Variants in TLL1 observed in about 807,000 individuals in gnomAD.
TLL1 encodes the protein tolloid-like protein 1.
TLL1 carries 49 observed loss-of-function variants against 128.2 expected under a neutral mutation model. That is an observed-to-expected ratio of 0.38 (90% confidence interval 0.30 to 0.48). TLL1 has a LOEUF of 0.48. TLL1 is among the 20% of genes least tolerant of loss of function. The pLI is 0.96. For missense variants in TLL1, 1,123 were observed against 1,242.0 expected (o/e 0.90, Z 1.44); for synonymous variants, 454 against 418.8 (o/e 1.08, Z -1.03).
At chr4:165,962,292 A>G (rs188547847) in intron 1 of TLL1, among the ~76,000 whole-genome samples, 115 of 152,356 alleles carry the variant, frequency 7.5e-4, no homozygotes, top group Non-Finnish European at 2.4e-4. Flanking sequence ...AAAAGAAGCC[A>G]TACAAGTGGT....
intron 7 of TLL1, among the ~76,000 whole-genome samples, chr4:166,009,576 C>A (rs1330301275): frequency 6.6e-6 from 1 of 151,388 alleles, no homozygotes; most frequent in Non-Finnish European, 1.5e-5. Context: ...TATTACTTAT[C>A]TTATTGTTTC....
chr4:165,977,201 A>G (rs1252529581), intron 1 of TLL1, among the ~76,000 whole-genome samples: 3 of 152,126 alleles, frequency 2.0e-5, no homozygotes, highest in Non-Finnish European at 4.4e-5. Flanking sequence ...CAATCTCCAC[A>G]TGTCGAGGGC....
At chr4:165,972,341 T>G (rs1735665708) in intron 1 of TLL1, among the ~76,000 whole-genome samples, 1 of 152,240 alleles carries the variant, frequency 6.6e-6, no homozygotes, top group Non-Finnish European at 1.5e-5. Flanking sequence ...GATATGACTG[T>G]TGGCACCTTT....
chr4:165,902,965 A>G (rs551740736), intron 1 of TLL1, among the ~76,000 whole-genome samples: 1 of 152,326 alleles, frequency 6.6e-6, no homozygotes, highest in Non-Finnish European at 1.5e-5. Flanking sequence ...ACTGTGCATA[A>G]TTGATAAATT....
At position 166,039,059 on chromosome 4, in the gene TLL1, TAA is replaced by T. The variant is rs1377420011; in HGVS notation, c.1159-279_1159-278del. ...CTGTTTGCTTTACAATTGTCCAGAT[TAA>T]CTTTACAGAAACTTTTTGTTAATTG... On this transcript the variant is annotated intron_variant, in intron 9 of 20. Transcript: ENST00000061240. Among the ~76,000 whole-genome samples, 574 of 152,064 alleles carry T rather than the reference TAA, an allele frequency of 3.8e-3. 4 individuals carry two copies. Among genetic ancestry groups the T allele is most frequent in the African/African-American group, 0.013 (543 of 41,350 alleles).
chr4:166,025,333 CAA>C lies in TLL1; in HGVS notation c.1061_1062del (p.Gln354ArgfsTer46). 6.2e-7 allele frequency: 1 copy of C among 1,613,278 alleles called. No individual in the cohort carries two copies. The highest frequency in any genetic ancestry group is 8.5e-7 in the Non-Finnish European group (1 of 1,179,342). On this transcript the variant is annotated frameshift_variant, in exon 9 of 21. Transcript: ENST00000061240. LOFTEE classifies it high-confidence loss of function. ...CCTTTCAGCATGTGGAGAAACTCTA[CAA>C]GAATCCAATGGCAACCTTTCCTCTC... Reference protein sequence around the residue: ...YRCPACGETLQESNGNLSSPG... With the variant: ...YRCPACGETLXESNGNLSSPG...
intron 19 of TLL1, among the ~76,000 whole-genome samples, chr4:166,096,657 C>T (rs1196439551): frequency 1.3e-5 from 2 of 152,088 alleles, no homozygotes; most frequent in African/African-American, 4.8e-5. Flanking sequence ...TCCCCTGCAG[C>T]TCTTCCTGGG....
At chr4:165,979,428 A>G (rs1484707733) in intron 1 of TLL1, among the ~76,000 whole-genome samples, 2 of 152,238 alleles carry the variant, frequency 1.3e-5, no homozygotes, top group African/African-American at 2.4e-5. Flanking sequence ...CAGTTTAATG[A>G]TATTTATATA....
intron 1 of TLL1, among the ~76,000 whole-genome samples, chr4:165,915,754 C>A (rs1732748880): frequency 6.6e-6 from 1 of 152,160 alleles, no homozygotes; most frequent in Non-Finnish European, 1.5e-5. Flanking sequence ...TTGATCTCAG[C>A]AGGAATTGTA....
chr4:166,024,088 C>A (rs1241110592), intron 8 of TLL1, among the ~76,000 whole-genome samples: 1 of 151,934 alleles, frequency 6.6e-6, no homozygotes, highest in Admixed American at 6.6e-5. Flanking sequence ...AGAACAGTGC[C>A]GATTTATGTA....
intron 1 of TLL1, among the ~76,000 whole-genome samples, chr4:165,874,622 G>C (rs1218653881): frequency 6.6e-6 from 1 of 152,156 alleles, no homozygotes; most frequent in Non-Finnish European, 1.5e-5. Context: ...TGACAATCTC[G>C]GAAGAACTCA....
intron 1 of TLL1, among the ~76,000 whole-genome samples, chr4:165,958,514 G>A (rs1411812724): frequency 6.7e-6 from 1 of 149,076 alleles, no homozygotes; most frequent in Non-Finnish European, 1.5e-5. Flanking sequence ...GTCTTCTTTT[G>A]AGAAGTGTCT....
intron 1 of TLL1, among the ~76,000 whole-genome samples, chr4:165,890,351 A>C (rs1009180273): frequency 2.0e-5 from 3 of 152,152 alleles, no homozygotes; most frequent in Non-Finnish European, 2.9e-5. Flanking sequence ...AGTCCCCCAA[A>C]GTCTTAACTC....
intron 15 of TLL1, among the ~76,000 whole-genome samples, chr4:166,062,231 G>C (rs941793057): frequency 6.6e-6 from 1 of 152,162 alleles, no homozygotes; most frequent in African/African-American, 2.4e-5. Flanking sequence ...GAACTTTAAA[G>C]TAGTTTTTTC....
rs142943970 is a variant in TLL1, at chr4:165,949,092, A to G, written c.170-40289A>G. ...AATGATCTGTTAAAAATAGAAAAGC[A>G]AGGCAAAGAATTAGAAAAATTCATC... On this transcript the variant is annotated intron_variant, in intron 1 of 20. Coordinates refer to ENST00000061240, the MANE Select transcript of TLL1 (RefSeq NM_012464.5). 5.9e-3 allele frequency among the ~76,000 whole-genome samples: 893 copies of G among 152,254 alleles called. 8 individuals are homozygous for G. Among genetic ancestry groups the G allele is most frequent in the African/African-American group, 0.021 (866 of 41,566 alleles).
chr4:166,037,310 T>C (rs1457186029), intron 9 of TLL1, among the ~76,000 whole-genome samples: 3 of 152,206 alleles, frequency 2.0e-5, no homozygotes, highest in Non-Finnish European at 4.4e-5. Context: ...GGGAAATTCA[T>C]AAAAATAAAT....
At chr4:165,897,547 A>G (rs892566999) in intron 1 of TLL1, among the ~76,000 whole-genome samples, 1 of 150,448 alleles carries the variant, frequency 6.6e-6, no homozygotes, top group East Asian at 2.0e-4. Context: ...GATGTGTGGC[A>G]TTATTTCTGG....
chr4:166,027,645 T>C (rs966201004), intron 9 of TLL1, among the ~76,000 whole-genome samples: 3 of 152,162 alleles, frequency 2.0e-5, no homozygotes, highest in Admixed American at 6.6e-5. Context: ...AGCCAGAAAA[T>C]ATATTCTGAA....
In TLL1 at chr4:166,038,750, T is replaced by G. The variant is rs182483232; in HGVS notation, c.1159-589T>G. On this transcript the variant is annotated intron_variant, in intron 9 of 20. Transcript: ENST00000061240. Reference sequence around the variant, plus strand: ...CTTGAAAGGTCTTTGTATATACATCTTTGGATCTAGAGAAACATAGTGACA... The same window carrying G: ...CTTGAAAGGTCTTTGTATATACATCGTTGGATCTAGAGAAACATAGTGACA... 2.4e-3 allele frequency among the ~76,000 whole-genome samples: 373 copies of G among 152,300 alleles called. 2 individuals carry two copies. The highest frequency in any genetic ancestry group is 4.4e-3 in the Non-Finnish European group (299 of 68,000).
Sources: gnomAD v4.1 joint callset for allele counts (sites outside exome capture counted in the v4.1 genomes callset) on GRCh38, gnomAD v4.1.1 for gene constraint, MANE v1.5 for transcripts, NCBI Gene and HGNC (gene_info 2026-07-23, HGNC 2026-07-21) for gene names.